MYO19: variants seen among roughly 807,000 people sequenced by gnomAD.
MYO19 encodes myosin XIX.
Under a neutral mutation model 129.2 loss-of-function variants are expected in MYO19, and 132 were observed. The observed-to-expected ratio is 1.02, with a 90% confidence interval of 0.89 to 1.18. The LOEUF is 1.18. Ranked by LOEUF, MYO19 falls within the 50% of genes most tolerant of loss-of-function variation. MYO19 has a pLI of 0.00. For synonymous variants in MYO19, 531 were observed against 477.2 expected (o/e 1.11, Z -1.47); for missense variants, 1,210 against 1,216.7 (o/e 0.99, Z 0.08).
In MYO19 at chr17:36,501,647, C is replaced by A. The variant is rs538830616; in HGVS notation, c.2081-412G>T. On this transcript the variant is annotated intron_variant, in intron 21 of 25. Transcript: ENST00000614623. ...CCAAATAGGGCAGCTATAGGCCACT[C>A]CCTCAGCCCCGACCCCTCAACTCCC... 826 of 165,784 alleles carry A rather than the reference C, an allele frequency of 5.0e-3. 5 individuals are homozygous for A. The highest frequency in any genetic ancestry group is 0.01 in the South Asian group (51 of 5,004). The allele number at this position is 165,784 out of a possible 1,614,324, so 10.3% of individuals were successfully genotyped here. A position where few individuals can be genotyped will look rare whatever the true frequency, so the allele number is the denominator to read the frequency against.
chr17:36,496,298 G>T lies in MYO19; in HGVS notation c.2866C>A (p.His956Asn). 1 of 1,614,060 alleles carries T rather than the reference G, an allele frequency of 6.2e-7. No homozygotes were observed. Among genetic ancestry groups the T allele is most frequent in the African/African-American group, 1.3e-5 (1 of 75,048 alleles). ...GAAGAGGTCACGTGGATCAGCCTGT[G>T]TCTTTCCAGCAGAATCTGATTAAAG... Reference protein sequence around the residue: ...TGFNQILLERHRLIHVTSSAF... With the variant: ...TGFNQILLERNRLIHVTSSAF... Residue 956 changes from histidine (H) to asparagine (N), a missense_variant, in exon 26 of 26, where the codon CAC (histidine) becomes AAC (asparagine). Transcript: ENST00000614623.
chr17:36,514,861 C>T (rs1190313545), intron 8 of MYO19, among the ~76,000 whole-genome samples: 1 of 152,208 alleles, frequency 6.6e-6, no homozygotes, highest in African/African-American at 2.4e-5. Context: ...CTTGAAGTCC[C>T]TGAGCAAGAG....
chr17:36,501,033 T>C lies in MYO19; in HGVS notation c.2247+36A>G. On this transcript the variant is annotated intron_variant, in intron 22 of 25. Transcript: ENST00000614623. Reference sequence around the variant, plus strand: ...CTCCTGCTGAGGAGAGCACACAGCTTGCCTCTGTAACCTCCTCATCCCCAA... The same window carrying C: ...CTCCTGCTGAGGAGAGCACACAGCTCGCCTCTGTAACCTCCTCATCCCCAA... 3 of 1,603,034 alleles carry C rather than the reference T, an allele frequency of 1.9e-6. No homozygotes were observed. The East Asian group carries it at 6.7e-5, about 36-fold the overall frequency.
intron 24 of MYO19, chr17:36,498,848 T>A: frequency 1.7e-6 from 1 of 592,230 alleles, no homozygotes. Context: ...ATCCCAGAGT[T>A]TGGTATATTC....
At chr17:36,511,043 A>G in intron 12 of MYO19, 126 bp from the exon 13 acceptor site, 2 of 1,154,400 alleles carry the variant, frequency 1.7e-6, no homozygotes, top group Middle Eastern at 5.2e-4. Context: ...AGTTCTGATC[A>G]GTGAAGTGAC....
chr17:36,498,954 A>C (rs1336182955), intron 24 of MYO19, 121 bp downstream of exon 24: 1 of 727,632 alleles, frequency 1.4e-6, no homozygotes, highest in Non-Finnish European at 2.3e-6. Flanking sequence ...AGGCTCAGAG[A>C]GGCTAAACAA....
At chr17:36,504,128 G>A in intron 19 of MYO19, 108 bp from the exon 20 acceptor site, 1 of 856,398 alleles carries the variant, frequency 1.2e-6, no homozygotes, top group Non-Finnish European at 1.7e-6. Flanking sequence ...CCAAGCTGCA[G>A]GCTCTCCCAA....
intron 5 of MYO19, among the ~76,000 whole-genome samples, chr17:36,525,674 C>T (rs946625402): frequency 4.6e-5 from 7 of 152,188 alleles, no homozygotes; most frequent in African/African-American, 1.7e-4. Flanking sequence ...TTCGTATAAA[C>T]TACTAAGAAG....
At chr17:36,512,977 T>C in intron 11 of MYO19, 1 of 722,144 alleles carries the variant, frequency 1.4e-6, no homozygotes, top group South Asian at 2.1e-5. Flanking sequence ...TATCACCACT[T>C]AGTGGTATCT....
Position 36,500,962 on chromosome 17 carries a change from G to A in MYO19, c.2248-3C>T, listed in dbSNP as rs1196008677. 4 of 1,610,614 alleles carry A rather than the reference G, an allele frequency of 2.5e-6. No individual in the cohort carries two copies. The highest frequency in any genetic ancestry group is 2.2e-5 in the South Asian group (2 of 91,018). On this transcript the variant is annotated splice_polypyrimidine_tract_variant and splice_region_variant and intron_variant, in intron 22 of 25. Coordinates refer to ENST00000614623, the MANE Select transcript of MYO19 (RefSeq NM_001163735.2). ...CGCCCACATTCCAGAAGCTCCAGCT[G>A]GGAGAAAAGGCATCCATTGAGGGCA...
chr17:36,511,042 C>G (rs1285252553), intron 12 of MYO19, 125 bp from the exon 13 acceptor site: 1 of 1,157,004 alleles, frequency 8.6e-7, no homozygotes, highest in East Asian at 2.6e-5. Flanking sequence ...AAGTTCTGAT[C>G]AGTGAAGTGA....
intron 11 of MYO19, chr17:36,513,202 G>C: frequency 4.2e-6 from 6 of 1,426,546 alleles, no homozygotes; most frequent in Non-Finnish European, 5.5e-6. Flanking sequence ...ACTGCATTCT[G>C]TACTCTAGCA....
At chr17:36,499,021 T>C in intron 24 of MYO19, 54 bp downstream of exon 24, 1 of 1,429,026 alleles carries the variant, frequency 7.0e-7, no homozygotes, top group Non-Finnish European at 9.7e-7. Context: ...CTCGGGTCCA[T>C]CTGGTCCCCA....
chr17:36,501,275 C>G, intron 21 of MYO19, 40 bp from the exon 22 acceptor site: 2 of 1,571,644 alleles, frequency 1.3e-6, no homozygotes, highest in South Asian at 2.4e-5. Flanking sequence ...ATGGTCATCT[C>G]TACATGCCTC....
At chr17:36,516,019 G>C in intron 6 of MYO19, 29 bp from the exon 7 acceptor site, 9 of 1,590,956 alleles carry the variant, frequency 5.7e-6, no homozygotes, top group Non-Finnish European at 7.7e-6. Flanking sequence ...TGTGGGAGCT[G>C]TATCTATGCT....
upstream of MYO19, chr17:36,537,962 TG>T (rs753213838): frequency 6.2e-7 from 1 of 1,614,054 alleles, no homozygotes; most frequent in African/African-American, 1.3e-5. Context: ...TAATATTATA[TG>T]GCACTGATGG....
rs779550928 is a variant in MYO19, at chr17:36,501,208, G to A, written c.2108C>T (p.Thr703Met). The stretch of plus-strand genomic sequence containing the variant: ...AATGTCCTGGATGAGAGGTTCAAGC[G>A]TGGCTTCCTCGCTGTGTGGACACCA... Reference protein sequence around the residue: ...PEWCPHSEEATLEPLIQDILH... With the variant: ...PEWCPHSEEAMLEPLIQDILH... Residue 703 changes from threonine to methionine, a missense_variant, in exon 22 of 26, where the codon ACG becomes ATG. Transcript: ENST00000614623. The A allele has an allele frequency of 1.5e-5, 24 of 1,613,580 alleles. No homozygotes were observed. Among genetic ancestry groups the A allele is most frequent in the Admixed American group, 1.2e-4 (7 of 59,994 alleles).
intron 6 of MYO19, among the ~76,000 whole-genome samples, chr17:36,519,545 T>C (rs2073012163): frequency 1.3e-5 from 2 of 152,296 alleles, no homozygotes; most frequent in South Asian, 4.1e-4. Context: ...TTTTTTCTTA[T>C]TGCCTTTGAT....
At chr17:36,534,459 C>T (rs556176472) in intron 1 of MYO19, among the ~76,000 whole-genome samples, 1 of 152,314 alleles carries the variant, frequency 6.6e-6, no homozygotes, top group Non-Finnish European at 1.5e-5. Flanking sequence ...CGCCCCCTCC[C>T]GGGGTCCTCA....
Sources: allele counts gnomAD v4.1 joint callset (sites outside exome capture counted in the v4.1 genomes callset), GRCh38; gene constraint gnomAD v4.1.1; transcripts MANE v1.5; gene names NCBI Gene and HGNC (gene_info 2026-07-23, HGNC 2026-07-21).